CAMTA2: variants seen among roughly 807,000 people sequenced by gnomAD.
CAMTA2 encodes the protein calmodulin binding transcription activator 2.
CAMTA2 carries 56 observed loss-of-function variants against 135.7 expected under a neutral mutation model. The ratio of observed to expected loss-of-function variants is 0.41; its 90% confidence interval spans 0.33 to 0.52. CAMTA2 has a LOEUF of 0.52. CAMTA2 is among the 20% of genes least tolerant of loss of function. The pLI, the probability that CAMTA2 is intolerant of heterozygous loss-of-function variation, is 0.16. For synonymous variants in CAMTA2, 591 were observed against 604.6 expected (o/e 0.98, Z 0.33); for missense variants, 1,358 against 1,553.4 (o/e 0.87, Z 2.11).
At position 4,968,753 on chromosome 17, in the gene CAMTA2, A is replaced by T; in HGVS notation, c.*3T>A. The T allele has an allele frequency of 6.2e-7, 1 of 1,614,062 alleles. No individual in the cohort carries two copies. The highest frequency in any genetic ancestry group is 1.1e-5 in the South Asian group (1 of 91,080). ...CAGGGTGGTGAGAAAGGCGGTGGCC[A>T]GGTCATGTGGCCAGTCCCGGCTGGG... On this transcript the variant is annotated 3_prime_UTR_variant, in exon 23 of 23. Coordinates refer to ENST00000348066, the MANE Select transcript of CAMTA2 (RefSeq NM_015099.4).
Position 4,972,474 on chromosome 17 carries a change from A to G in CAMTA2, c.2566T>C (p.Tyr856His). 6.2e-7 allele frequency: 1 copy of G among 1,613,006 alleles called. No homozygotes were observed. Among genetic ancestry groups the G allele is most frequent in the South Asian group, 1.1e-5 (1 of 90,940 alleles). The change falls in exon 16 of 23, where the codon TAT (tyrosine) becomes CAT (histidine). Residue 856 changes from tyrosine (Y) to histidine (H), a missense_variant. Coordinates refer to ENST00000348066, the MANE Select transcript of CAMTA2 (RefSeq NM_015099.4). ...GGACTGCCATCTGGGGCACTAGAATAGGCTGACGTGACGGAAAAGGTGCCA... is the reference window on the plus strand; with the variant it reads ...GGACTGCCATCTGGGGCACTAGAATGGGCTGACGTGACGGAAAAGGTGCCA... ...SDGTFSVTSA[Y>H]SSAPDGSPPP...
chr17:4,986,686 G>C (rs939772792), intron 1 of CAMTA2: 1 of 546,586 alleles, frequency 1.8e-6, no homozygotes, highest in Non-Finnish European at 3.2e-6. Flanking sequence ...TGGGGGCAGG[G>C]CAGGAGATTC....
At chr17:4,986,108 G>A in intron 2 of CAMTA2, 84 bp downstream of exon 2, 1 of 1,110,296 alleles carries the variant, frequency 9.0e-7, no homozygotes. Context: ...AAGGAGAACA[G>A]AAAATCCAAG....
intron 1 of CAMTA2, chr17:4,986,631 G>T: frequency 5.8e-6 from 3 of 520,076 alleles, no homozygotes; most frequent in South Asian, 2.4e-5. Flanking sequence ...TGGGACTCAG[G>T]CCATCCGGTC....
chr17:4,981,578 A>T, intron 7 of CAMTA2, 100 bp downstream of exon 7: 1 of 1,389,474 alleles, frequency 7.2e-7, no homozygotes, highest in Non-Finnish European at 9.8e-7. Flanking sequence ...GCTTGGAGGG[A>T]GATGATCAGC....
At chr17:4,986,837 G>A in intron 1 of CAMTA2, 1 of 803,390 alleles carries the variant, frequency 1.2e-6, no homozygotes, top group Non-Finnish European at 2.1e-6. Flanking sequence ...ATAGAATCTG[G>A]GCCAGACACC....
Position 4,968,975 on chromosome 17 carries a change from G to A in CAMTA2, c.3477C>T (p.Ser1159=). 1 of 1,614,078 alleles carries A rather than the reference G, an allele frequency of 6.2e-7. No homozygotes were observed. Among genetic ancestry groups the A allele is most frequent in the Non-Finnish European group, 8.5e-7 (1 of 1,179,998 alleles). ...SATLPARNKG[S]FLTKKQDQAA... is the part of the protein sequence containing the mutation. ...CCTGGTCCTGCTTCTTGGTGAGAAA[G>A]GAGCCTCTGGTGAAAGAAACAAAAG... Residue 1159 remains serine (S), a synonymous_variant, in exon 22 of 23, where the codon TCC becomes TCT. Coordinates refer to ENST00000348066, the MANE Select transcript of CAMTA2 (RefSeq NM_015099.4).
chr17:4,968,799 T>C lies in CAMTA2; in HGVS notation c.3566A>G (p.Asn1189Ser). 6.2e-7 allele frequency: 1 copy of C among 1,614,148 alleles called. No individual in the cohort carries two copies. The highest frequency in any genetic ancestry group is 1.3e-5 in the African/African-American group (1 of 75,050). ...CRHRMRELKQ[N>S]QELEGLPQPG... ...CTGGGGAAGCCCTTCCAGCTCCTGGTTCTGCTTCAGTTCCCTCATCCTGCA... is the reference window on the plus strand; with the variant it reads ...CTGGGGAAGCCCTTCCAGCTCCTGGCTCTGCTTCAGTTCCCTCATCCTGCA... The change falls in exon 23 of 23, where the codon AAC (asparagine) becomes AGC (serine). Residue 1189 changes from asparagine (N) to serine (S), a missense_variant. Coordinates refer to ENST00000348066, the MANE Select transcript of CAMTA2 (RefSeq NM_015099.4).
chr17:4,969,242 T>A lies in CAMTA2; in HGVS notation c.3378A>T (p.Arg1126=). The part of the protein sequence containing the change: ...YEQKRFQQSR[R]AAVLIQQHYR... ...AGTGCTGCTGGATGAGCACAGCCGC[T>A]CGGCGGCTCTGCTGAAATCGCTTCT... is the stretch of plus-strand genomic sequence containing the variant. Residue 1126 remains arginine (R), a synonymous_variant, in exon 21 of 23, where the codon CGA becomes CGT. Coordinates refer to ENST00000348066, the MANE Select transcript of CAMTA2 (RefSeq NM_015099.4). The surrounding 1 kb of genome is among the most constrained non-coding windows in gnomAD (Gnocchi z 5.6). 6.2e-7 allele frequency: 1 copy of A among 1,613,748 alleles called. No homozygotes were observed. The highest frequency in any genetic ancestry group is 8.5e-7 in the Non-Finnish European group (1 of 1,179,962).
At position 4,969,066 on chromosome 17, in the gene CAMTA2, T is replaced by G. The variant is rs565504471; in HGVS notation, c.3470+84A>C. 6.3e-7 allele frequency: 1 copy of G among 1,579,182 alleles called. No homozygotes were observed. Among genetic ancestry groups the G allele is most frequent in the African/African-American group, 1.4e-5 (1 of 73,854 alleles). On this transcript the variant is annotated intron_variant, in intron 21 of 22. Coordinates refer to ENST00000348066, the MANE Select transcript of CAMTA2 (RefSeq NM_015099.4). This position sits in a 1 kb window ranked among gnomAD's most constrained non-coding sequence, Gnocchi z 5.6. ...AGGAACCCTAGGCAGGGAATGGCAG[T>G]GAGGCATGATGATCAAGAGGATGAG...
At chr17:4,975,665 G>A (rs238228) in intron 11 of CAMTA2, among the ~76,000 whole-genome samples, 124,199 of 152,076 alleles carry the variant, frequency 0.82, 51,622 homozygotes, top group African/African-American at 0.93. Context: ...AGAGTGAGGC[G>A]AAACTAAGGA....
chr17:4,981,459 G>A (rs1567697078), intron 7 of CAMTA2, 100 bp from the exon 8 acceptor site: 1 of 1,518,410 alleles, frequency 6.6e-7, no homozygotes, highest in Non-Finnish European at 9.0e-7. Context: ...AAGACTTCTG[G>A]CCAGGTGAAC....
rs950715965 is a variant in CAMTA2, at chr17:4,981,213, G to A, written c.700+12C>T. Reference sequence around the variant, plus strand: ...GGTGGGAAGACAGCCAAAAGGTCAGGGAGTAACTTACCAAGCCCCCCACTG... The same window carrying A: ...GGTGGGAAGACAGCCAAAAGGTCAGAGAGTAACTTACCAAGCCCCCCACTG... On this transcript the variant is annotated intron_variant, in intron 8 of 22. Transcript: ENST00000348066. 2 of 1,612,726 alleles carry A rather than the reference G, an allele frequency of 1.2e-6. No individual in the cohort carries two copies. Among genetic ancestry groups the A allele is most frequent in the Non-Finnish European group, 1.7e-6 (2 of 1,179,690 alleles).
rs143602830 is a variant in CAMTA2 at position 4,980,466 on chromosome 17, C to T, written c.856G>A (p.Ala286Thr). Residue 286 changes from alanine to threonine, a missense_variant, in exon 9 of 23, where the codon GCA becomes ACA. Ala to Thr is a moderately conservative substitution (Grantham distance 58, BLOSUM62 0). Coordinates refer to ENST00000348066, the MANE Select transcript of CAMTA2 (RefSeq NM_015099.4). This position sits in a 1 kb window ranked among gnomAD's most constrained non-coding sequence, Gnocchi z 5.3. ...GAGGAAGAAGATGGGGAGGTGTGTG[C>T]CTTGGGGAGCTCTGGGGGAAGTGGG... ...IAPLPPELPK[A>T]HTSPSSSSSS... 412 of 1,610,728 alleles carry T rather than the reference C, an allele frequency of 2.6e-4. No individual in the cohort carries two copies. Among genetic ancestry groups the T allele is most frequent in the Middle Eastern group, 1.8e-3 (11 of 6,050 alleles).
At chr17:4,986,478 C>T in intron 1 of CAMTA2, 192 bp from the exon 2 acceptor site, 1 of 565,756 alleles carries the variant, frequency 1.8e-6, no homozygotes, top group Non-Finnish European at 3.1e-6. Flanking sequence ...TATGAGTGAG[C>T]AGACTGGACA....
At chr17:4,972,713 C>T in intron 15 of CAMTA2, 56 bp downstream of exon 15, 1 of 1,553,250 alleles carries the variant, frequency 6.4e-7, no homozygotes. Context: ...TTGGCTTTGT[C>T]CTGGCCTATC....
At chr17:4,979,579 A>T in intron 9 of CAMTA2, 105 bp downstream of exon 9, 1 of 670,508 alleles carries the variant, frequency 1.5e-6, no homozygotes, top group Non-Finnish European at 2.5e-6. Flanking sequence ...ATGAAAACTG[A>T]GGGAAACTAG....
At position 4,971,536 on chromosome 17, in the gene CAMTA2, G is replaced by A. The variant is rs367781644; in HGVS notation, c.2808+696C>T. 1.7e-4 allele frequency among the ~76,000 whole-genome samples: 26 copies of A among 152,016 alleles called. No individual in the cohort carries two copies. The East Asian group carries it at 1.7e-3, about 10-fold the overall frequency. On this transcript the variant is annotated intron_variant, in intron 16 of 22. Coordinates refer to ENST00000348066, the MANE Select transcript of CAMTA2 (RefSeq NM_015099.4). Reference sequence around the variant, plus strand: ...AAAAAATTATTTTGTGTAGAGATGGGGTCTTGTTATGTTGGCCAGACTGGT... The same window carrying A: ...AAAAAATTATTTTGTGTAGAGATGGAGTCTTGTTATGTTGGCCAGACTGGT...
At chr17:4,987,151 C>T (rs1450615123) in intron 1 of CAMTA2, 14 of 1,350,816 alleles carry the variant, frequency 1.0e-5, no homozygotes, top group Non-Finnish European at 1.2e-5. Context: ...GCAGTCCTGG[C>T]TAGGCAGCCT....
Sources: allele counts gnomAD v4.1 joint callset (sites outside exome capture counted in the v4.1 genomes callset), GRCh38; gene constraint gnomAD v4.1.1; non-coding constraint Gnocchi (gnomAD v3.1); transcripts MANE v1.5; gene names NCBI Gene and HGNC (gene_info 2026-07-23, HGNC 2026-07-21).